FILIP1L: variants seen among roughly 807,000 people sequenced by gnomAD.
The protein encoded by FILIP1L is filamin A interacting protein 1 like.
FILIP1L carries 55 observed loss-of-function variants against 96.6 expected under a neutral mutation model. That is an observed-to-expected ratio of 0.57 (90% CI 0.46 to 0.71). The LOEUF (loss-of-function observed/expected upper bound fraction) is 0.71, where lower values mean the gene tolerates loss of function less well. FILIP1L is among the 30% of genes least tolerant of loss of function. FILIP1L has a pLI of 0.00. For missense variants in FILIP1L, 1,304 were observed against 1,321.2 expected (o/e 0.99, Z 0.20); for synonymous variants, 467 against 473.9 (o/e 0.99, Z 0.19).
chr3:99,974,210 A>G (rs1708902475), intron 1 of FILIP1L, among the ~76,000 whole-genome samples: 1 of 152,228 alleles, frequency 6.6e-6, no homozygotes, highest in South Asian at 2.1e-4. Context: ...TTTATCATTG[A>G]AGGACTTGTC....
chr3:99,947,290 G>T (rs1708040737), intron 1 of FILIP1L, among the ~76,000 whole-genome samples: 1 of 151,708 alleles, frequency 6.6e-6, no homozygotes, highest in Non-Finnish European at 1.5e-5. Context: ...TCTTATCTTT[G>T]TATCTGTTAT....
In FILIP1L at chr3:99,848,311, C is replaced by T. The variant is rs370091852; in HGVS notation, c.3365G>A (p.Arg1122Gln). Residue 1122 changes from arginine (R) to glutamine (Q), a missense_variant, in exon 5 of 6, where the codon CGA (arginine) becomes CAA (glutamine). Physicochemically the swap from Arg to Gln is conservative, Grantham distance 43. Coordinates refer to ENST00000477258, the MANE Select transcript of FILIP1L (RefSeq NM_001387850.1). ...TITPTATPLP[R>Q]QSQITIKEVC... is the part of the protein sequence containing the mutation. ...ATTACTTACTGTAATTTGTGATTGT[C>T]GAGGAAGAGGTGTGGCTGTTGGTGT... 6.3e-5 allele frequency: 101 copies of T among 1,613,754 alleles called. 1 individual carries two copies. Among genetic ancestry groups the T allele is most frequent in the Non-Finnish European group, 8.0e-5 (94 of 1,179,944 alleles).
intron 1 of FILIP1L, among the ~76,000 whole-genome samples, chr3:99,968,368 C>A (rs963737628): frequency 4.6e-5 from 7 of 150,916 alleles, no homozygotes; most frequent in African/African-American, 1.7e-4. Context: ...ACCTGTTTTG[C>A]TGTCTTGTTT....
chr3:99,941,271 CTTA>C (rs1379083734), intron 1 of FILIP1L, among the ~76,000 whole-genome samples: 3 of 151,984 alleles, frequency 2.0e-5, no homozygotes, highest in Non-Finnish European at 2.9e-5. Context: ...AAGCTCACAG[CTTA>C]TTATATTAAT....
rs9816617 is a variant in FILIP1L at position 100,064,811 on chromosome 3, A to T, written c.-11+49242T>A. The stretch of plus-strand genomic sequence containing the variant: ...CAATTTGACAAACAGCTAATTTTTT[A>T]AGGAATTCAGCAGTTGGATTTCCAC... On this transcript the variant is annotated intron_variant, in intron 1 of 5. Transcript: ENST00000477258. Among the ~76,000 whole-genome samples the T allele has an allele frequency of 4.9e-3, 750 of 152,130 alleles. 5 individuals carry two copies. Among genetic ancestry groups the T allele is most frequent in the African/African-American group, 0.017 (706 of 41,506 alleles).
chr3:99,962,435 T>G (rs1349923788), intron 1 of FILIP1L, among the ~76,000 whole-genome samples: 1 of 152,164 alleles, frequency 6.6e-6, no homozygotes, highest in Non-Finnish European at 1.5e-5. Context: ...ATTTTGTATA[T>G]TATCTTTTGT....
chr3:99,903,128 T>C (rs75372883), intron 4 of FILIP1L, among the ~76,000 whole-genome samples: 5,621 of 152,234 alleles, frequency 0.037, 331 homozygotes, highest in African/African-American at 0.13. Flanking sequence ...AAATGCTGCT[T>C]ATAATAGTAA....
At chr3:100,011,874 GT>G (rs1398141846) in intron 1 of FILIP1L, 1 of 152,144 alleles carries the variant, frequency 6.6e-6, no homozygotes, top group African/African-American at 2.4e-5. Flanking sequence ...TAAAATTCAA[GT>G]TTTAGTATTA....
chr3:100,019,908 G>T (rs547256731), intron 1 of FILIP1L, among the ~76,000 whole-genome samples: 57 of 152,188 alleles, frequency 3.7e-4, no homozygotes, highest in East Asian at 3.9e-4. Flanking sequence ...TCACTTAAAG[G>T]AAGTGGCTAG....
intron 1 of FILIP1L, among the ~76,000 whole-genome samples, chr3:100,071,144 A>G (rs950403158): frequency 9.3e-5 from 6 of 64,448 alleles, no homozygotes; most frequent in African/African-American, 4.3e-4. Flanking sequence ...TTTCTTTTTA[A>G]GTTCTTATAA....
At chr3:99,872,269 C>CTGTGTGTGTGTGTGTGTGTGTGTG (rs55727823) in intron 4 of FILIP1L, among the ~76,000 whole-genome samples, 3 of 110,820 alleles carry the variant, frequency 2.7e-5, no homozygotes, top group Non-Finnish European at 3.7e-5. Context: ...TGTGCCAGGA[C>CTGTGTGTGTGTGTGTGTGTGTGTG]TGTGTGTGTG....
chr3:100,002,809 C>A (rs934029016), intron 1 of FILIP1L, among the ~76,000 whole-genome samples: 1 of 152,102 alleles, frequency 6.6e-6, no homozygotes, highest in East Asian at 1.9e-4. Context: ...TACATCCCAC[C>A]CCTATGACTT....
At chr3:99,859,642 T>G (rs1944141374) in intron 4 of FILIP1L, among the ~76,000 whole-genome samples, 1 of 152,228 alleles carries the variant, frequency 6.6e-6, no homozygotes, top group South Asian at 2.1e-4. Context: ...TTAGCAATTC[T>G]TGTCTAATAC....
intron 1 of FILIP1L, chr3:100,075,767 C>T (rs765415407): frequency 2.6e-5 from 4 of 152,114 alleles, no homozygotes; most frequent in South Asian, 2.1e-4. Context: ...ATAGTAACAT[C>T]GTTGGACCTG....
At chr3:99,977,261 G>C (rs1222276088) in intron 1 of FILIP1L, among the ~76,000 whole-genome samples, 4 of 152,132 alleles carry the variant, frequency 2.6e-5, no homozygotes, top group African/African-American at 9.7e-5. Context: ...CTCATCCCAG[G>C]AGCAGTGGGG....
chr3:100,030,434 A>C (rs1576655144), intron 1 of FILIP1L, among the ~76,000 whole-genome samples: 1 of 152,160 alleles, frequency 6.6e-6, no homozygotes, highest in African/African-American at 2.4e-5. Context: ...GATAATTTTC[A>C]TCATATTTGT....
At chr3:99,923,689 T>C (rs1427894036) in intron 4 of FILIP1L, among the ~76,000 whole-genome samples, 2 of 152,230 alleles carry the variant, frequency 1.3e-5, no homozygotes, top group African/African-American at 4.8e-5. Flanking sequence ...TTCCTCCATG[T>C]TCCCTTAATC....
intron 1 of FILIP1L, among the ~76,000 whole-genome samples, chr3:99,970,904 G>A (rs1246107740): frequency 6.6e-6 from 1 of 152,236 alleles, no homozygotes; most frequent in African/African-American, 2.4e-5. Flanking sequence ...CTAGAGGTGG[G>A]AAGATGGGTT....
intron 5 of FILIP1L, among the ~76,000 whole-genome samples, chr3:99,839,866 T>C (rs1340780657): frequency 2.0e-5 from 3 of 152,180 alleles, no homozygotes; most frequent in African/African-American, 4.8e-5. Flanking sequence ...ACACCAGACA[T>C]AAGAGTTTTC....
Sources: gnomAD v4.1 joint callset for allele counts (sites outside exome capture counted in the v4.1 genomes callset) on GRCh38, gnomAD v4.1.1 for gene constraint, MANE v1.5 for transcripts, NCBI Gene and HGNC (gene_info 2026-07-23, HGNC 2026-07-21) for gene names.